The following ANKS1B variants were observed in gnomAD, a reference collection of about 807,000 sequenced individuals.
The protein encoded by ANKS1B is ankyrin repeat and sterile alpha motif domain-containing protein 1B.
ANKS1B carries 36 observed loss-of-function variants against 148.3 expected under a neutral mutation model. The observed-to-expected ratio is 0.24, with a 90% confidence interval of 0.19 to 0.32. ANKS1B has a LOEUF of 0.32. ANKS1B is among the 10% of genes least tolerant of loss of function. The pLI, the probability that ANKS1B is intolerant of heterozygous loss-of-function variation, is 1.00. For synonymous variants in ANKS1B, 542 were observed against 560.8 expected, an observed-to-expected ratio of 0.97 and a Z score of 0.47; for missense variants, 1,157 against 1,542.6, an observed-to-expected ratio of 0.75 and a Z score of 4.19.
chr12:99,080,158 C>G (rs1323261623), intron 16 of ANKS1B, among the ~76,000 whole-genome samples: 2 of 152,208 alleles, frequency 1.3e-5, no homozygotes, highest in Non-Finnish European at 2.9e-5. Flanking sequence ...TGCAATAAAC[C>G]TTTCTCTCTA....
chr12:99,631,511 C>T (rs1445143555), intron 9 of ANKS1B, among the ~76,000 whole-genome samples: 1 of 152,070 alleles, frequency 6.6e-6, no homozygotes. Flanking sequence ...GTAGTCATGA[C>T]CAGAGTGCTG....
intron 9 of ANKS1B, among the ~76,000 whole-genome samples, chr12:99,632,727 C>CTACATATATATA (rs1419756181): frequency 2.6e-5 from 1 of 39,052 alleles, no homozygotes; most frequent in Non-Finnish European, 5.6e-5. Context: ...CCTTTTCTTT[C>CTACATATATATA]TATATATATA....
chr12:99,524,033 G>A (rs1940017600), intron 9 of ANKS1B, among the ~76,000 whole-genome samples: 1 of 152,190 alleles, frequency 6.6e-6, no homozygotes, highest in Admixed American at 6.5e-5. Flanking sequence ...TAATACAAGA[G>A]TGTGGGTTTA....
chr12:99,890,181 C>A (rs1402821618), intron 1 of ANKS1B, among the ~76,000 whole-genome samples: 1 of 152,294 alleles, frequency 6.6e-6, no homozygotes, highest in East Asian at 1.9e-4. Flanking sequence ...CTTGACTAGG[C>A]TATGGTGCCC....
intron 9 of ANKS1B, among the ~76,000 whole-genome samples, chr12:99,559,705 T>C (rs1046560707): frequency 1.3e-4 from 20 of 152,314 alleles, no homozygotes; most frequent in African/African-American, 4.8e-4. Context: ...AGGTAACCTG[T>C]ACAAATAACA....
chr12:99,605,434 C>T (rs2097844812), intron 9 of ANKS1B, among the ~76,000 whole-genome samples: 1 of 151,868 alleles, frequency 6.6e-6, no homozygotes, highest in Admixed American at 6.6e-5. Context: ...ATTATTCATC[C>T]TATCTAGTTG....
intron 26 of ANKS1B, among the ~76,000 whole-genome samples, chr12:98,746,843 T>C (rs2097905742): frequency 6.6e-6 from 1 of 152,214 alleles, no homozygotes; most frequent in African/African-American, 2.4e-5. Flanking sequence ...AAACAGCACA[T>C]GCAGCAGTCC....
rs761563764 is a variant in ANKS1B, at chr12:99,452,616, TA to T, written c.1439-8808del. ...TCTGGGAGAAACAGTACAGAAATCA[TA>T]AGTAAAAAAGCCCAAGTATCCTGTT... is the stretch of plus-strand genomic sequence containing the variant. On this transcript the variant is annotated intron_variant, in intron 10 of 26. Coordinates refer to ENST00000683438, the MANE Select transcript of ANKS1B (RefSeq NM_001352186.2). 4.6e-5 allele frequency among the ~76,000 whole-genome samples: 7 copies of T among 152,248 alleles called. No individual in the cohort carries two copies. In the East Asian group the frequency reaches 5.8e-4, roughly 13 times the overall value.
chr12:98,988,328 A>C (rs1038845846), intron 17 of ANKS1B, among the ~76,000 whole-genome samples: 7 of 152,034 alleles, frequency 4.6e-5, no homozygotes, highest in East Asian at 3.8e-4. Context: ...CAACTTTTTT[A>C]GATTCCATAT....
chr12:98,895,038 C>T, intron 17 of ANKS1B: 1 of 896,164 alleles, frequency 1.1e-6, no homozygotes, highest in Non-Finnish European at 1.3e-6. Flanking sequence ...GTCTCCAGGG[C>T]TGCTGGCTGC....
chr12:98,889,509 G>A lies in ANKS1B; in HGVS notation c.2779-57373C>T, dbSNP rs74365515. On this transcript the variant is annotated intron_variant, in intron 17 of 26. Coordinates refer to ENST00000683438, the MANE Select transcript of ANKS1B (RefSeq NM_001352186.2). ...ATTACAGGCACCCGCCACCACATCC[G>A]GTTAATCTTTGTATTTTTTGTACAG... is the stretch of plus-strand genomic sequence containing the variant. Among the ~76,000 whole-genome samples the A allele has an allele frequency of 6.3e-4, 96 of 152,068 alleles. 2 individuals carry two copies. In the East Asian group the frequency reaches 0.012, roughly 19 times the overall value.
chr12:99,511,926 T>C lies in ANKS1B; in HGVS notation c.1273-7285A>G, dbSNP rs2096770278. Among the ~76,000 whole-genome samples the C allele has an allele frequency of 2.0e-5, 3 of 151,812 alleles. No homozygotes were observed. In the South Asian group the frequency reaches 6.2e-4, roughly 31 times the overall value. ...CAAAAATTAACTAAAGATGGATTCATGATTTCAATATAAAATGTAAAACTA... is the reference window on the plus strand; with the variant it reads ...CAAAAATTAACTAAAGATGGATTCACGATTTCAATATAAAATGTAAAACTA... On this transcript the variant is annotated intron_variant, in intron 9 of 26. Transcript: ENST00000683438.
intron 9 of ANKS1B, among the ~76,000 whole-genome samples, chr12:99,601,212 A>C (rs896496238): frequency 1.2e-4 from 19 of 152,098 alleles, no homozygotes; most frequent in African/African-American, 4.6e-4. Context: ...TGAGGATGAC[A>C]AAGACTCCAA....
At chr12:99,807,499 G>A (rs944387159) in intron 3 of ANKS1B, among the ~76,000 whole-genome samples, 9 of 152,112 alleles carry the variant, frequency 5.9e-5, no homozygotes, top group Admixed American at 5.2e-4. Flanking sequence ...GTCAGGAGGT[G>A]GAAGGGTCAG....
intron 14 of ANKS1B, among the ~76,000 whole-genome samples, chr12:99,208,019 T>C (rs1372518849): frequency 6.6e-6 from 1 of 152,108 alleles, no homozygotes; most frequent in Non-Finnish European, 1.5e-5. Context: ...AAAACTAGAA[T>C]TTGATCTCCT....
intron 17 of ANKS1B, among the ~76,000 whole-genome samples, chr12:99,051,822 CATT>C (rs1393871335): frequency 1.3e-5 from 2 of 152,128 alleles, no homozygotes; most frequent in African/African-American, 4.8e-5. Flanking sequence ...CTAGAAAAGA[CATT>C]ATTTTTTCAG....
intron 8 of ANKS1B, among the ~76,000 whole-genome samples, chr12:99,673,646 T>C (rs77635133): frequency 0.022 from 3,320 of 152,040 alleles, 135 homozygotes; most frequent in African/African-American, 0.076. Flanking sequence ...GCAGTCCTCA[T>C]GAATAATTCT....
intron 9 of ANKS1B, among the ~76,000 whole-genome samples, chr12:99,512,740 T>C (rs7294669): frequency 3.3e-4 from 50 of 152,228 alleles, no homozygotes; most frequent in African/African-American, 9.9e-4. Context: ...AATGAGATCA[T>C]GTCCTTTGCA....
In ANKS1B at chr12:99,403,083, T is replaced by C. The variant is rs1224961171; in HGVS notation, c.1576-3272A>G. ...ACTCTAATGATCAATGATGTAGCAC[T>C]TTTTTTCATATAATTGTTAGCTGCA... On this transcript the variant is annotated intron_variant, in intron 11 of 26. Coordinates refer to ENST00000683438, the MANE Select transcript of ANKS1B (RefSeq NM_001352186.2). Among the ~76,000 whole-genome samples, 3 of 144,750 alleles carry C rather than the reference T, an allele frequency of 2.1e-5. 1 individual carries two copies. The highest frequency in any genetic ancestry group is 3.0e-5 in the Non-Finnish European group (2 of 65,814). 95.0% of individuals were successfully genotyped at this position (144,750 alleles called of 152,430 possible). A position where few individuals can be genotyped will look rare whatever the true frequency, so the allele number is the denominator to read the frequency against.
Sources: allele counts gnomAD v4.1 joint callset (sites outside exome capture counted in the v4.1 genomes callset), GRCh38; gene constraint gnomAD v4.1.1; transcripts MANE v1.5; gene names NCBI Gene and HGNC (gene_info 2026-07-23, HGNC 2026-07-21).